The following TAFA2 variants were observed in gnomAD, a reference collection of about 807,000 sequenced individuals.
The protein encoded by TAFA2 is chemokine-like protein TAFA-2.
Under a neutral mutation model 18.8 loss-of-function variants are expected in TAFA2, and 7 were observed. The observed-to-expected ratio is 0.37, with a 90% confidence interval of 0.21 to 0.70. The LOEUF (loss-of-function observed/expected upper bound fraction) is 0.70. Among genes scored for constraint, TAFA2 ranks in the 30% least tolerant of loss-of-function variants. TAFA2 has a pLI of 0.53. For missense variants in TAFA2, 122 were observed against 158.1 expected (o/e 0.77, Z 1.23); for synonymous variants, 60 against 54.2 (o/e 1.11, Z -0.47).
At chr12:62,048,502 A>G (rs1413796380) in intron 1 of TAFA2, among the ~76,000 whole-genome samples, 3 of 152,206 alleles carry the variant, frequency 2.0e-5, no homozygotes, top group Non-Finnish European at 2.9e-5. Flanking sequence ...AAGCCTAACC[A>G]TATCAATACT....
intron 1 of TAFA2, among the ~76,000 whole-genome samples, chr12:62,037,077 T>C (rs561486417): frequency 1.3e-5 from 2 of 152,360 alleles, no homozygotes; most frequent in African/African-American, 4.8e-5. Flanking sequence ...CTAAAACATT[T>C]GCTATGTACC....
At chr12:61,992,284 T>C (rs2136690406) in intron 1 of TAFA2, among the ~76,000 whole-genome samples, 1 of 152,308 alleles carries the variant, frequency 6.6e-6, no homozygotes, top group Middle Eastern at 3.4e-3. Context: ...ACTACCACCA[T>C]ATCCCTAATT....
At chr12:62,162,823 T>C (rs561618294) in intron 1 of TAFA2, among the ~76,000 whole-genome samples, 15 of 152,162 alleles carry the variant, frequency 9.9e-5, no homozygotes, top group African/African-American at 2.9e-4. Flanking sequence ...ACTATATGAA[T>C]ACCTCTCTGT....
intron 4 of TAFA2, among the ~76,000 whole-genome samples, chr12:61,724,818 GTA>G (rs1870081489): frequency 6.7e-6 from 1 of 148,680 alleles, no homozygotes; most frequent in African/African-American, 2.5e-5. Flanking sequence ...CCAGATGGGT[GTA>G]TATGTATATA....
intron 1 of TAFA2, among the ~76,000 whole-genome samples, chr12:61,929,120 C>A (rs1877437938): frequency 6.6e-6 from 1 of 150,680 alleles, no homozygotes. Flanking sequence ...AACAAACCTG[C>A]ACGTTCTGCA....
chr12:62,234,909 C>A (rs2062829456), intron 1 of TAFA2: 1 of 931,402 alleles, frequency 1.1e-6, no homozygotes, highest in Non-Finnish European at 1.7e-6. Flanking sequence ...CTTGTGGGGG[C>A]AACATCTGAG....
At chr12:61,947,768 A>T (rs1262052460) in intron 1 of TAFA2, among the ~76,000 whole-genome samples, 1 of 152,156 alleles carries the variant, frequency 6.6e-6, no homozygotes, top group Non-Finnish European at 1.5e-5. Flanking sequence ...TCAATGCTTC[A>T]TATGTCTGTG....
At chr12:62,078,348 C>A (rs1868268626) in intron 1 of TAFA2, among the ~76,000 whole-genome samples, 1 of 147,544 alleles carries the variant, frequency 6.8e-6, no homozygotes, top group Non-Finnish European at 1.5e-5. Flanking sequence ...CCCAAGGTTA[C>A]AAAAGGAAGA....
intron 1 of TAFA2, among the ~76,000 whole-genome samples, chr12:61,882,565 A>G (rs893742391): frequency 6.6e-6 from 1 of 152,150 alleles, no homozygotes; most frequent in East Asian, 1.9e-4. Context: ...CTTAAAAGAC[A>G]ATTCAGAACT....
intron 1 of TAFA2, among the ~76,000 whole-genome samples, chr12:61,956,022 C>A (rs550890941): frequency 5.3e-5 from 8 of 152,062 alleles, no homozygotes; most frequent in African/African-American, 1.9e-4. Context: ...AAGTGGCAGA[C>A]AATAACACAC....
At chr12:61,831,775 T>C (rs1382746687) in intron 2 of TAFA2, among the ~76,000 whole-genome samples, 1 of 152,098 alleles carries the variant, frequency 6.6e-6, no homozygotes, top group African/African-American at 2.4e-5. Flanking sequence ...TATGTATACA[T>C]GTGCCATGTT....
intron 2 of TAFA2, among the ~76,000 whole-genome samples, chr12:61,848,481 A>G (rs1304073935): frequency 6.6e-6 from 1 of 152,332 alleles, no homozygotes; most frequent in Admixed American, 6.5e-5. Context: ...ACTTGTGTGC[A>G]TGGAAGTAAT....
chr12:61,721,670 T>C (rs1042418171), intron 4 of TAFA2, among the ~76,000 whole-genome samples: 1 of 152,190 alleles, frequency 6.6e-6, no homozygotes, highest in Non-Finnish European at 1.5e-5. Context: ...TTAAAAGTTT[T>C]ATTGGCCAGG....
intron 1 of TAFA2, among the ~76,000 whole-genome samples, chr12:62,257,201 T>TGA (rs1565789951): frequency 7.0e-5 from 8 of 115,068 alleles, no homozygotes; most frequent in Non-Finnish European, 1.3e-4. Context: ...TGTGTGTGTG[T>TGA]GATTTGCTAA....
chr12:62,159,371 A>T (rs2062391515), intron 1 of TAFA2, among the ~76,000 whole-genome samples: 1 of 152,214 alleles, frequency 6.6e-6, no homozygotes, highest in African/African-American at 2.4e-5. Flanking sequence ...CCATAAACTG[A>T]GTAGACTATG....
At chr12:62,021,478 T>C (rs1479344544) in intron 1 of TAFA2, 2 of 618,752 alleles carry the variant, frequency 3.2e-6, no homozygotes, top group African/African-American at 1.9e-5. Context: ...ATCATTCTTT[T>C]TTTTTTTTCT....
chr12:62,188,240 C>A (rs961601174), intron 1 of TAFA2, among the ~76,000 whole-genome samples: 1 of 152,096 alleles, frequency 6.6e-6, no homozygotes, highest in African/African-American at 2.4e-5. Flanking sequence ...GATTTTTCAC[C>A]AAGAAAACAA....
At chr12:61,822,578 G>A (rs1238758909) in intron 2 of TAFA2, among the ~76,000 whole-genome samples, 2 of 152,150 alleles carry the variant, frequency 1.3e-5, no homozygotes, top group African/African-American at 4.8e-5. Context: ...GGTGTTAAAT[G>A]TCACTTCCTC....
At chr12:62,220,573 T>G (rs1375723786) in intron 1 of TAFA2, among the ~76,000 whole-genome samples, 1 of 152,214 alleles carries the variant, frequency 6.6e-6, no homozygotes, top group East Asian at 1.9e-4. Context: ...GGGTGGATCC[T>G]AATAATAACT....
Sources: gnomAD v4.1 joint callset for allele counts (sites outside exome capture counted in the v4.1 genomes callset) on GRCh38, gnomAD v4.1.1 for gene constraint, MANE v1.5 for transcripts, NCBI Gene and HGNC (gene_info 2026-07-23, HGNC 2026-07-21) for gene names.